Variants in RGS6 observed in about 807,000 individuals in gnomAD.
The protein encoded by RGS6 is regulator of G-protein signaling 6.
RGS6 carries 30 observed loss-of-function variants against 78.5 expected under a neutral mutation model. The ratio of observed to expected loss-of-function variants is 0.38; its 90% confidence interval spans 0.29 to 0.52. RGS6 has a LOEUF of 0.52. Ranked by LOEUF, RGS6 falls within the 20% of genes least tolerant of loss-of-function variation. The pLI, the probability that RGS6 is intolerant of heterozygous loss-of-function variation, is 0.85. For missense variants in RGS6, 495 were observed against 609.7 expected (o/e 0.81, Z 1.98); for synonymous variants, 206 against 206.0 (o/e 1.00, Z 0.00).
intron 2 of RGS6, among the ~76,000 whole-genome samples, chr14:71,990,001 C>T (rs1249407161): frequency 1.3e-5 from 2 of 152,078 alleles, no homozygotes; most frequent in Admixed American, 6.6e-5. Context: ...TTATTTAGCT[C>T]ACAGTTCTGC....
chr14:72,162,965 A>G (rs537833860), intron 2 of RGS6, among the ~76,000 whole-genome samples: 19 of 152,322 alleles, frequency 1.2e-4, no homozygotes, highest in Non-Finnish European at 2.2e-4. Flanking sequence ...CCCAAACATC[A>G]TATGTTCTCA....
chr14:71,904,782 C>G, the RGS6 span, among the ~76,000 whole-genome samples: 1 of 138,348 alleles, frequency 7.2e-6, no homozygotes, highest in African/African-American at 2.5e-5. Context: ...ACTCAACCTT[C>G]TAATAACCCG....
chr14:72,094,949 C>G (rs1329717077), intron 2 of RGS6, among the ~76,000 whole-genome samples: 2 of 152,148 alleles, frequency 1.3e-5, no homozygotes, highest in Non-Finnish European at 2.9e-5. Flanking sequence ...TGATATGTTT[C>G]TTAACCACTG....
chr14:72,282,760 TTGTTTGTTTG>T (rs1037782700), intron 2 of RGS6, among the ~76,000 whole-genome samples: 6 of 152,236 alleles, frequency 3.9e-5, no homozygotes, highest in African/African-American at 9.6e-5. Context: ...CTTGTTGTTT[TTGTTTGTTTG>T]TGTGGTAGAA....
intron 15 of RGS6, among the ~76,000 whole-genome samples, chr14:72,520,165 AG>A (rs1440588860): frequency 6.6e-6 from 1 of 152,152 alleles, no homozygotes; most frequent in Non-Finnish European, 1.5e-5. Context: ...TCTAAAAAAA[AG>A]ATCCTTTTGT....
At chr14:72,107,559 TC>T (rs2095659410) in intron 2 of RGS6, among the ~76,000 whole-genome samples, 1 of 152,210 alleles carries the variant, frequency 6.6e-6, no homozygotes, top group Non-Finnish European at 1.5e-5. Flanking sequence ...CTGACTTGAT[TC>T]TTTTTTACTG....
At chr14:71,968,841 A>C (rs960866873) in intron 2 of RGS6, among the ~76,000 whole-genome samples, 1 of 152,168 alleles carries the variant, frequency 6.6e-6, no homozygotes, top group Admixed American at 6.6e-5. Context: ...ATTTTTAAAA[A>C]ATACTTTAAG....
At chr14:72,550,601 C>T (rs72726177) in intron 17 of RGS6, 45 of 1,534,664 alleles carry the variant, frequency 2.9e-5, no homozygotes, top group East Asian at 1.7e-4. Flanking sequence ...AATTCTGATA[C>T]GTGCTCTGTC....
intron 2 of RGS6, among the ~76,000 whole-genome samples, chr14:72,067,404 A>G (rs1457368342): frequency 6.6e-6 from 1 of 152,194 alleles, no homozygotes; most frequent in Non-Finnish European, 1.5e-5. Flanking sequence ...GGGTGCAGCA[A>G]AACGCCCTGG....
chr14:71,986,202 C>T (rs2094704022), intron 2 of RGS6, among the ~76,000 whole-genome samples: 1 of 152,232 alleles, frequency 6.6e-6, no homozygotes, highest in African/African-American at 2.4e-5. Flanking sequence ...CATTTTGTGC[C>T]TCACTTTATT....
chr14:71,968,695 G>A (rs910942285), intron 2 of RGS6, among the ~76,000 whole-genome samples: 1 of 152,178 alleles, frequency 6.6e-6, no homozygotes, highest in African/African-American at 2.4e-5. Context: ...ATCAACCACA[G>A]ACTACTGTTA....
At chr14:71,897,354 A>G in the RGS6 span, among the ~76,000 whole-genome samples, 1 of 152,170 alleles carries the variant, frequency 6.6e-6, no homozygotes, top group South Asian at 2.1e-4. Flanking sequence ...CCTCCTCTGT[A>G]GTATTGGGAT....
At chr14:72,548,465 G>A (rs907211304) in intron 17 of RGS6, among the ~76,000 whole-genome samples, 8 of 151,922 alleles carry the variant, frequency 5.3e-5, no homozygotes, top group African/African-American at 1.9e-4. Context: ...TGTAATTGAC[G>A]ATAAGCTTAG....
At chr14:71,875,753 A>G in the RGS6 span, among the ~76,000 whole-genome samples, 1 of 152,136 alleles carries the variant, frequency 6.6e-6, no homozygotes, top group Non-Finnish European at 1.5e-5. Context: ...TCAATTTTAG[A>G]TCTTTCCTGC....
At chr14:72,187,474 AG>A (rs1156790704) in intron 2 of RGS6, among the ~76,000 whole-genome samples, 2 of 152,136 alleles carry the variant, frequency 1.3e-5, no homozygotes, top group African/African-American at 2.4e-5. Context: ...ATGCATTCAG[AG>A]TTGGTGGTGG....
At chr14:72,113,773 T>G (rs1030329570) in intron 2 of RGS6, among the ~76,000 whole-genome samples, 2 of 152,114 alleles carry the variant, frequency 1.3e-5, no homozygotes, top group African/African-American at 4.8e-5. Context: ...AGGCTTAGAC[T>G]TGGAACTGGT....
chr14:72,228,851 G>A (rs1173546543), intron 2 of RGS6, among the ~76,000 whole-genome samples: 1 of 152,220 alleles, frequency 6.6e-6, no homozygotes, highest in African/African-American at 2.4e-5. Flanking sequence ...TTCAAGACCA[G>A]CCTGGCCAGC....
chr14:71,927,849 G>C (rs907236423), upstream of RGS6, among the ~76,000 whole-genome samples: 1 of 151,510 alleles, frequency 6.6e-6, no homozygotes. Flanking sequence ...TAGTAGAGAC[G>C]GGGTTTCACC....
chr14:71,996,093 G>T (rs1043948120), intron 2 of RGS6, among the ~76,000 whole-genome samples: 1 of 152,070 alleles, frequency 6.6e-6, no homozygotes, highest in Non-Finnish European at 1.5e-5. Context: ...AGGCAAGAAG[G>T]GCTGCTGAAA....
Sources: gnomAD v4.1 joint callset for allele counts (sites outside exome capture counted in the v4.1 genomes callset) on GRCh38, gnomAD v4.1.1 for gene constraint, MANE v1.5 for transcripts, NCBI Gene and HGNC (gene_info 2026-07-23, HGNC 2026-07-21) for gene names.